HFM1: variants seen among roughly 807,000 people sequenced by gnomAD.
HFM1 encodes helicase for meiosis 1, also known as probable ATP-dependent DNA helicase HFM1.
In HFM1, 169 loss-of-function variants were observed where a neutral mutation model predicts 192.1. That is an observed-to-expected ratio of 0.88 (90% CI 0.78 to 1.00). The LOEUF (loss-of-function observed/expected upper bound fraction) is 1.00. HFM1 is among the 50% of genes least tolerant of loss of function. The pLI is 0.00. For missense variants in HFM1, 1,661 were observed against 1,668.0 expected (o/e 1.00, Z 0.07); for synonymous variants, 525 against 537.8 (o/e 0.98, Z 0.33).
At chr1:91,364,624 A>AT (rs1439970664) in intron 13 of HFM1, among the ~76,000 whole-genome samples, 22 of 37,950 alleles carry the variant, frequency 5.8e-4, no homozygotes, top group African/African-American at 1.6e-3. Flanking sequence ...ATATATATAT[A>AT]TATATATATT....
intron 32 of HFM1, among the ~76,000 whole-genome samples, chr1:91,275,183 C>T (rs1235961643): frequency 6.6e-6 from 1 of 152,078 alleles, no homozygotes; most frequent in Non-Finnish European, 1.5e-5. Flanking sequence ...AGGGGTTTCA[C>T]TATGTTGGCC....
rs1202742432 is a variant in HFM1 at position 91,379,152 on chromosome 1, T to C, written c.1069A>G (p.Ile357Val). Residue 357 changes from isoleucine to valine, a missense_variant, in exon 9 of 39, where the codon ATA (isoleucine) becomes GTA (valine). Physicochemically the swap from Ile to Val is conservative, Grantham distance 29. Transcript: ENST00000370425. ...GTAAGTTCTTTACAATTCAATCCTA[T>C]TGGTCCAAATTTTTCTTTCCAGTCA... ...FDDWKEKFGPIGLNCKELTGD... is the reference protein window; with the variant it reads ...FDDWKEKFGPVGLNCKELTGD... The C allele has an allele frequency of 6.2e-6, 10 of 1,609,050 alleles. No individual in the cohort carries two copies. The highest frequency in any genetic ancestry group is 8.5e-6 in the Non-Finnish European group (10 of 1,177,090).
intron 4 of HFM1, among the ~76,000 whole-genome samples, chr1:91,391,725 G>A (rs572447632): frequency 4.6e-5 from 7 of 152,070 alleles, no homozygotes; most frequent in African/African-American, 1.2e-4. Flanking sequence ...CAAAAGCAAC[G>A]GCAACAAAAG....
intron 1 of HFM1, among the ~76,000 whole-genome samples, chr1:91,403,277 T>C (rs1421951300): frequency 4.6e-5 from 7 of 152,136 alleles, no homozygotes; most frequent in Non-Finnish European, 1.0e-4. Flanking sequence ...AATAAATGCA[T>C]TAGCAAGAAC....
chr1:91,294,912 C>T (rs1647286526), intron 30 of HFM1, among the ~76,000 whole-genome samples: 1 of 152,178 alleles, frequency 6.6e-6, no homozygotes, highest in Non-Finnish European at 1.5e-5. Context: ...ATTACTCTAT[C>T]ATAGAATGCA....
At chr1:91,316,998 AC>A (rs1651329020) in intron 25 of HFM1, among the ~76,000 whole-genome samples, 1 of 152,134 alleles carries the variant, frequency 6.6e-6, no homozygotes, top group South Asian at 2.1e-4. Context: ...CAATTTCCTT[AC>A]TGGAGCCAAA....
intron 7 of HFM1, 31 bp from the exon 8 acceptor site, chr1:91,380,267 C>T: frequency 7.4e-7 from 1 of 1,348,228 alleles, no homozygotes; most frequent in Non-Finnish European, 1.0e-6. Context: ...AATCATGTAA[C>T]ATATAGACTT....
intron 28 of HFM1, among the ~76,000 whole-genome samples, chr1:91,314,639 C>T (rs1570918672): frequency 6.6e-6 from 1 of 152,222 alleles, no homozygotes; most frequent in Non-Finnish European, 1.5e-5. Flanking sequence ...GTATCAATAA[C>T]ACATGAGCTT....
At chr1:91,390,722 C>G (rs1282730067) in intron 4 of HFM1, among the ~76,000 whole-genome samples, 1 of 152,088 alleles carries the variant, frequency 6.6e-6, no homozygotes, top group Non-Finnish European at 1.5e-5. Context: ...TCTCACCACT[C>G]CTATTCAACA....
intron 20 of HFM1, among the ~76,000 whole-genome samples, chr1:91,325,249 G>A (rs907644710): frequency 1.3e-5 from 2 of 152,198 alleles, no homozygotes; most frequent in Admixed American, 1.3e-4. Flanking sequence ...GTGGCCACAG[G>A]CAGAGACTCT....
chr1:91,381,125 G>T, intron 6 of HFM1, 143 bp from the exon 7 acceptor site: 1 of 563,498 alleles, frequency 1.8e-6, no homozygotes. Flanking sequence ...CTTAGGAAAA[G>T]AATTATCATA....
intron 13 of HFM1, among the ~76,000 whole-genome samples, chr1:91,373,313 T>C (rs566490579): frequency 6.6e-6 from 1 of 152,172 alleles, no homozygotes; most frequent in South Asian, 2.1e-4. Context: ...CATACAAAAT[T>C]AGGCAGAAAA....
chr1:91,351,680 G>C, intron 16 of HFM1, 37 bp from the exon 17 acceptor site: 2 of 1,110,396 alleles, frequency 1.8e-6, no homozygotes, highest in Non-Finnish European at 2.7e-6. Flanking sequence ...GTGAAGAAGA[G>C]CACATCTTGG....
At chr1:91,390,813 T>C (rs551568378) in intron 4 of HFM1, among the ~76,000 whole-genome samples, 5 of 152,282 alleles carry the variant, frequency 3.3e-5, no homozygotes, top group Non-Finnish European at 7.3e-5. Flanking sequence ...GGAAGTCAAA[T>C]TGTCCCTGTT....
intron 19 of HFM1, among the ~76,000 whole-genome samples, chr1:91,344,467 A>G (rs72970318): frequency 0.099 from 15,096 of 152,246 alleles, 790 homozygotes; most frequent in East Asian, 0.16. Context: ...TCACTACTCG[A>G]TAAGTCAATG....
intron 30 of HFM1, among the ~76,000 whole-genome samples, chr1:91,289,182 C>A (rs187673540): frequency 6.6e-6 from 1 of 151,484 alleles, no homozygotes; most frequent in Non-Finnish European, 1.5e-5. Flanking sequence ...ACCTCCCAGA[C>A]GGGGTGGTGG....
intron 23 of HFM1, among the ~76,000 whole-genome samples, chr1:91,322,016 C>T (rs560697051): frequency 1.3e-5 from 2 of 152,288 alleles, no homozygotes; most frequent in Admixed American, 6.5e-5. Flanking sequence ...CTGGGCATCA[C>T]TTACATCGTT....
chr1:91,346,202 C>T (rs542789911), intron 19 of HFM1, among the ~76,000 whole-genome samples: 1 of 152,270 alleles, frequency 6.6e-6, no homozygotes, highest in African/African-American at 2.4e-5. Context: ...ACTTTGCTAA[C>T]CCTATACTGA....
intron 34 of HFM1, 58 bp from the exon 35 acceptor site, chr1:91,267,913 T>A: frequency 1.1e-6 from 1 of 921,374 alleles, no homozygotes; most frequent in Non-Finnish European, 1.7e-6. Context: ...CCAGATATAT[T>A]AAGATTTCTG....
Sources: allele counts gnomAD v4.1 joint callset (sites outside exome capture counted in the v4.1 genomes callset), GRCh38; gene constraint gnomAD v4.1.1; transcripts MANE v1.5; gene names NCBI Gene and HGNC (gene_info 2026-07-23, HGNC 2026-07-21).